TSC22D3: variants seen among roughly 807,000 people sequenced by gnomAD.
TSC22D3 encodes the protein TSC22 domain family protein 3.
In TSC22D3, 4 loss-of-function variants were observed where a neutral mutation model predicts 11.1. The ratio of observed to expected loss-of-function variants is 0.36; its 90% confidence interval spans 0.18 to 0.83. TSC22D3 has a LOEUF of 0.83. TSC22D3 is among the 40% of genes least tolerant of loss of function. TSC22D3 has a pLI of 0.48. For missense variants in TSC22D3, 118 were observed against 159.4 expected, an observed-to-expected ratio of 0.74 and a Z score of 1.40; for synonymous variants, 77 against 70.3, an observed-to-expected ratio of 1.10 and a Z score of -0.48.
chrX:107,768,194 A>G (rs1929752620), intron 1 of TSC22D3, among the ~76,000 whole-genome samples: 1 of 112,036 alleles, frequency 8.9e-6, no homozygotes, highest in Non-Finnish European at 1.9e-5. Flanking sequence ...GACATGGCCA[A>G]ACTCATTCCT....
intron 1 of TSC22D3, among the ~76,000 whole-genome samples, chrX:107,734,802 TGA>T (rs1267234019): frequency 9.5e-6 from 1 of 105,402 alleles, no homozygotes; most frequent in African/African-American, 3.6e-5. Context: ...TACTACTTAT[TGA>T]GAGTTTATTA....
intron 1 of TSC22D3, among the ~76,000 whole-genome samples, chrX:107,732,311 A>G (rs973569406): frequency 8.2e-5 from 9 of 109,618 alleles, no homozygotes; most frequent in Non-Finnish European, 1.5e-4. Context: ...GAGCTCTCCA[A>G]GGCCAGGCCA....
chrX:107,716,368 C>T (rs975421362), intron 1 of TSC22D3: 12 of 920,772 alleles, frequency 1.3e-5, no homozygotes, highest in Non-Finnish European at 1.3e-5. Flanking sequence ...TTCCGGCCTT[C>T]TCCCAAGCGG....
chrX:107,747,149 T>C (rs7891533), intron 1 of TSC22D3, among the ~76,000 whole-genome samples: 1,897 of 113,013 alleles, frequency 0.017, 36 homozygotes, highest in African/African-American at 0.057. Flanking sequence ...TGAAAGTATC[T>C]GTCCAAATTA....
At chrX:107,739,942 C>A (rs1258074351) in intron 1 of TSC22D3, among the ~76,000 whole-genome samples, 1 of 112,545 alleles carries the variant, frequency 8.9e-6, no homozygotes, top group Non-Finnish European at 1.9e-5. Flanking sequence ...ATACACTGGG[C>A]AATGGGAATG....
At chrX:107,733,020 G>C (rs1019268493) in intron 1 of TSC22D3, among the ~76,000 whole-genome samples, 12 of 108,436 alleles carry the variant, frequency 1.1e-4, no homozygotes, top group Admixed American at 2.9e-4. Context: ...GACTCCTCGA[G>C]CCCAGGAAGT....
At chrX:107,727,263 C>G (rs1378483523) in intron 1 of TSC22D3, among the ~76,000 whole-genome samples, 1 of 112,043 alleles carries the variant, frequency 8.9e-6, no homozygotes, top group African/African-American at 3.2e-5. Flanking sequence ...AGTTATGCCC[C>G]AAGAAACATC....
chrX:107,773,779 G>A (rs1210395345), intron 1 of TSC22D3, among the ~76,000 whole-genome samples: 1 of 111,566 alleles, frequency 9.0e-6, no homozygotes, highest in Non-Finnish European at 1.9e-5. Flanking sequence ...TGGGCTGAGC[G>A]GGAGGCGATG....
At chrX:107,729,740 C>T (rs933909286) in intron 1 of TSC22D3, among the ~76,000 whole-genome samples, 1 of 112,538 alleles carries the variant, frequency 8.9e-6, no homozygotes, top group African/African-American at 3.2e-5. Context: ...TGGGAGAGGA[C>T]CTGAAACCAG....
chrX:107,739,628 G>A (rs979206268), intron 1 of TSC22D3, among the ~76,000 whole-genome samples: 5 of 112,552 alleles, frequency 4.4e-5, no homozygotes, highest in East Asian at 5.6e-4. Context: ...TGTGTGGTAG[G>A]TGGAGCTTCC....
rs759197258 is a variant in TSC22D3, at chrX:107,714,539, G to T, written c.583C>A (p.Pro195Thr). The T allele has an allele frequency of 8.3e-7, 1 of 1,211,293 alleles. No individual in the cohort carries two copies. ...GCCACTTACACCGCAGAACCACCAG[G>T]GGCCTCGGGCACTTGTGGGGATTCG... ...APESPQVPEA[P>T]GGSAV Residue 195 changes from proline (P) to threonine (T), a missense_variant, in exon 3 of 3, where the codon CCT (proline) becomes ACT (threonine). By Grantham distance (38) the Pro-to-Thr change is conservative. Coordinates refer to ENST00000372383, the MANE Select transcript of TSC22D3 (RefSeq NM_198057.3).
rs1170456785 is a variant in TSC22D3 at position 107,762,846 on chromosome X, CTTTTTTTTTTTT to C, written c.320+12242_320+12253del. Among the ~76,000 whole-genome samples, 112 of 44,781 alleles carry C rather than the reference CTTTTTTTTTTTT, an allele frequency of 2.5e-3. 2 individuals carry two copies. Among genetic ancestry groups the C allele is most frequent in the African/African-American group, 8.6e-3 (106 of 12,288 alleles). The allele number at this position is 44,781 out of a possible 115,157, so 38.9% of individuals were successfully genotyped here. On this transcript the variant is annotated intron_variant, in intron 1 of 2. Coordinates refer to ENST00000372383, the MANE Select transcript of TSC22D3 (RefSeq NM_198057.3). ...AAAAAAAAAAAAACCTGCACATGTACTTTTTTTTTTTTTTTTTTTTTTTTTCTGAGATGGAGT... is the reference window on the plus strand; with the variant it reads ...AAAAAAAAAAAAACCTGCACATGTACTTTTTTTTTTTTTCTGAGATGGAGT...
At chrX:107,770,104 C>T (rs182970281) in intron 1 of TSC22D3, among the ~76,000 whole-genome samples, 44 of 112,220 alleles carry the variant, frequency 3.9e-4, no homozygotes, top group African/African-American at 1.4e-3. Flanking sequence ...AACCCAAAAC[C>T]GCTCTACAGC....
At chrX:107,767,055 C>T (rs747256577) in intron 1 of TSC22D3, among the ~76,000 whole-genome samples, 4 of 110,639 alleles carry the variant, frequency 3.6e-5, no homozygotes, top group African/African-American at 1.3e-4. Context: ...TCTCACTTCT[C>T]ACCCCCTTCT....
intron 2 of TSC22D3, 88 bp downstream of exon 2, chrX:107,715,811 C>G: frequency 8.9e-7 from 1 of 1,121,066 alleles, no homozygotes; most frequent in South Asian, 1.8e-5. Context: ...TGGCTAAGGG[C>G]TTTTTCACCC....
chrX:107,723,295 G>A (rs1927444842), intron 1 of TSC22D3, among the ~76,000 whole-genome samples: 2 of 112,293 alleles, frequency 1.8e-5, no homozygotes, highest in South Asian at 7.4e-4. Flanking sequence ...CTTAACTGCA[G>A]GGCTTTGTAA....
rs956563212 is a variant in TSC22D3, at chrX:107,748,386, G to A, written c.320+26714C>T. ...TGTGTGACAAGATCAGATTTGTGGC[G>A]TGGGGATGAGATAAGGTAGGGCCAG... On this transcript the variant is annotated intron_variant, in intron 1 of 2. Coordinates refer to ENST00000372383, the MANE Select transcript of TSC22D3 (RefSeq NM_198057.3). Among the ~76,000 whole-genome samples the A allele has an allele frequency of 1.1e-4, 12 of 111,717 alleles. No homozygotes were observed. The South Asian group carries it at 3.4e-3, about 32-fold the overall frequency.
chrX:107,735,199 G>A (rs894315440), intron 1 of TSC22D3, among the ~76,000 whole-genome samples: 10 of 111,585 alleles, frequency 9.0e-5, no homozygotes, highest in Admixed American at 9.5e-5. Context: ...ATTCCAATGA[G>A]GGATTTGCTT....
In TSC22D3 at chrX:107,715,698, G is replaced by T. The variant is rs1238783723; in HGVS notation, c.372+201C>A. 10 of 487,238 alleles carry T rather than the reference G, an allele frequency of 2.1e-5. No homozygotes were observed. The South Asian group carries it at 2.5e-4, about 12-fold the overall frequency. 40.2% of individuals were successfully genotyped at this position (487,238 alleles called of 1,213,427 possible). On this transcript the variant is annotated intron_variant, in intron 2 of 2. Transcript: ENST00000372383. ...ATGGAGGAGGGAGGAAGAAAGGAGG[G>T]AGCCCAGGAAGGGAAGACTGGAAAT...
Sources: allele counts gnomAD v4.1 joint callset (sites outside exome capture counted in the v4.1 genomes callset), GRCh38; gene constraint gnomAD v4.1.1; transcripts MANE v1.5; gene names NCBI Gene and HGNC (gene_info 2026-07-23, HGNC 2026-07-21).